Variants in ADCY10 observed in about 807,000 individuals in gnomAD.
The protein encoded by ADCY10 is adenylate cyclase type 10.
In ADCY10, 156 loss-of-function variants were observed where a neutral mutation model predicts 183.3. The ratio of observed to expected loss-of-function variants is 0.85; its 90% CI spans 0.75 to 0.97. ADCY10 has a LOEUF of 0.97. Ranked by LOEUF, ADCY10 falls within the 50% of genes least tolerant of loss-of-function variation. The pLI, the probability that ADCY10 is intolerant of heterozygous loss-of-function variation, is 0.00. For missense variants in ADCY10, 1,745 were observed against 1,934.3 expected (o/e 0.90, Z 1.84); for synonymous variants, 645 against 670.0 (o/e 0.96, Z 0.58).
chr1:167,912,200 A>G (rs1258424478), intron 1 of ADCY10, among the ~76,000 whole-genome samples: 3 of 152,182 alleles, frequency 2.0e-5, no homozygotes, highest in African/African-American at 7.2e-5. Flanking sequence ...TTAAGAAATT[A>G]TTTTAGGCAG....
chr1:167,880,432 C>T, intron 10 of ADCY10, 59 bp downstream of exon 10: 2 of 1,239,758 alleles, frequency 1.6e-6, no homozygotes, highest in South Asian at 2.4e-5. Flanking sequence ...TGCATGCCCT[C>T]CCTACTTATG....
intron 6 of ADCY10, among the ~76,000 whole-genome samples, chr1:167,897,090 C>T (rs1186501714): frequency 1.3e-5 from 2 of 151,542 alleles, no homozygotes; most frequent in East Asian, 3.9e-4. Flanking sequence ...TTAGGAGCAT[C>T]ACCAGTCATA....
At chr1:167,885,587 A>G (rs1240112299) in intron 8 of ADCY10, among the ~76,000 whole-genome samples, 1 of 151,742 alleles carries the variant, frequency 6.6e-6, no homozygotes, top group Non-Finnish European at 1.5e-5. Context: ...CTTGTTTGCC[A>G]TTTGTATGTC....
intron 13 of ADCY10, among the ~76,000 whole-genome samples, chr1:167,870,740 C>T (rs1350694651): frequency 2.7e-5 from 4 of 149,740 alleles, no homozygotes; most frequent in South Asian, 2.1e-4. Context: ...ACCCAGGAGG[C>T]GGAGGTTGCA....
At chr1:167,902,615 A>C (rs1042840264) in intron 3 of ADCY10, among the ~76,000 whole-genome samples, 11 of 152,270 alleles carry the variant, frequency 7.2e-5, no homozygotes, top group African/African-American at 2.7e-4. Flanking sequence ...GCCAAGTCAG[A>C]TGCAGAAAGG....
chr1:167,854,276 A>T lies in ADCY10; in HGVS notation c.2308+77T>A, dbSNP rs114565660. ...CAGGAAGCAGCCTGTGGAATAGCTC[A>T]TTTTTGCTACCTTCTCTGAATGAAG... On this transcript the variant is annotated intron_variant, in intron 18 of 32. Coordinates refer to ENST00000367851, the MANE Select transcript of ADCY10 (RefSeq NM_018417.6). 6,381 of 1,596,532 alleles carry T rather than the reference A, an allele frequency of 4.0e-3. 19 individuals are homozygous for T. Among genetic ancestry groups the T allele is most frequent in the Non-Finnish European group, 5.1e-3 (5,974 of 1,164,490 alleles).
intron 14 of ADCY10, 109 bp downstream of exon 14, chr1:167,870,148 T>A: frequency 8.3e-7 from 1 of 1,210,884 alleles, no homozygotes; most frequent in Non-Finnish European, 1.2e-6. Flanking sequence ...CATCCAATAA[T>A]TGTAGGTTAT....
rs1342833423 is a variant in ADCY10, at chr1:167,914,134, T to G, written c.-217A>C. Reference sequence around the variant, plus strand: ...TGACCCATAAAATGACAGTTTTGTCTAAAAGCCGTTTTCCAGGCCACACCC... The same window carrying G: ...TGACCCATAAAATGACAGTTTTGTCGAAAAGCCGTTTTCCAGGCCACACCC... On this transcript the variant is annotated 5_prime_UTR_variant, in exon 1 of 33. Transcript: ENST00000367851. 6.6e-6 allele frequency: 1 copy of G among 152,232 alleles called. No individual in the cohort carries two copies. The highest frequency in any genetic ancestry group is 2.4e-5 in the African/African-American group (1 of 41,444). 9.4% of individuals were successfully genotyped at this position (152,232 alleles called of 1,614,324 possible).
rs921661939 is a variant in ADCY10 at position 167,904,819 on chromosome 1, A to G, written c.148+174T>C. The G allele has an allele frequency of 5.1e-6, 4 of 787,630 alleles. No individual in the cohort carries two copies. The East Asian group carries it at 1.1e-4, about 21-fold the overall frequency. The allele number at this position is 787,630 out of a possible 1,614,324, so 48.8% of individuals were successfully genotyped here. A position where few individuals can be genotyped will look rare whatever the true frequency, so the allele number is the denominator to read the frequency against. On this transcript the variant is annotated intron_variant, in intron 2 of 32. Transcript: ENST00000367851. ...AGTCCTGAGTAAGGGAGGATGAGAG[A>G]GAGCCAGGGCCACAAGCTATTTCCT...
intron 25 of ADCY10, among the ~76,000 whole-genome samples, chr1:167,830,684 G>T (rs1281451459): frequency 6.6e-6 from 1 of 152,112 alleles, no homozygotes; most frequent in African/African-American, 2.4e-5. Context: ...GTGAGCCACT[G>T]CGCCTGGCCA....
At chr1:167,820,627 C>T (rs2101854174) in intron 30 of ADCY10, 1 of 172,330 alleles carries the variant, frequency 5.8e-6, no homozygotes. Flanking sequence ...AATTTCTCCT[C>T]ATTAATTTTA....
At chr1:167,908,434 G>C (rs1305929296) in intron 1 of ADCY10, among the ~76,000 whole-genome samples, 2 of 152,076 alleles carry the variant, frequency 1.3e-5, no homozygotes, top group Non-Finnish European at 2.9e-5. Flanking sequence ...GTGGCTGAAG[G>C]ATACAAAGTT....
At chr1:167,879,305 G>A (rs1047436003) in intron 11 of ADCY10, among the ~76,000 whole-genome samples, 6 of 152,262 alleles carry the variant, frequency 3.9e-5, no homozygotes, top group East Asian at 3.9e-4. Flanking sequence ...GTTAATACAC[G>A]TTTATCACTT....
chr1:167,842,348 T>G (rs1251410523), intron 21 of ADCY10, among the ~76,000 whole-genome samples: 1 of 152,160 alleles, frequency 6.6e-6, no homozygotes, highest in African/African-American at 2.4e-5. Context: ...AGTCTCAGTT[T>G]GTTGTCCAGG....
rs771721815 is a variant in ADCY10 at position 167,856,185 on chromosome 1, G to A, written c.2151C>T (p.Cys717=). 2 of 1,613,842 alleles carry A rather than the reference G, an allele frequency of 1.2e-6. No homozygotes were observed. The highest frequency in any genetic ancestry group is 1.3e-5 in the African/African-American group (1 of 74,918). Reference sequence around the variant, plus strand: ...CTTACGAGTCCAGTTCTTTGGAGATGCAGCTCACATTGAGGTCAAGACAGA... The same window carrying A: ...CTTACGAGTCCAGTTCTTTGGAGATACAGCTCACATTGAGGTCAAGACAGA... ...NKICLDLNVS[C]ISKELDSYLG... The change falls in exon 17 of 33, where the codon TGC becomes TGT. Residue 717 remains cysteine (C), a synonymous_variant. Coordinates refer to ENST00000367851, the MANE Select transcript of ADCY10 (RefSeq NM_018417.6).
At chr1:167,912,417 A>G (rs922875482) in intron 1 of ADCY10, among the ~76,000 whole-genome samples, 1 of 152,120 alleles carries the variant, frequency 6.6e-6, no homozygotes, top group Non-Finnish European at 1.5e-5. Flanking sequence ...CCACCTCCAC[A>G]TACTCCCACG....
In ADCY10 at chr1:167,883,227, A is replaced by G. The variant is rs145568226; in HGVS notation, c.1020+210T>C. Among the ~76,000 whole-genome samples, 782 of 152,278 alleles carry G rather than the reference A, an allele frequency of 5.1e-3. 12 individuals are homozygous for G. In the East Asian group the frequency reaches 0.075, roughly 15 times the overall value. On this transcript the variant is annotated intron_variant, in intron 9 of 32. Coordinates refer to ENST00000367851, the MANE Select transcript of ADCY10 (RefSeq NM_018417.6). ...TAATTTTTGCATTTTTAGTAGAGAC[A>G]GGGTTTCACTATGTTGGCCAGTCTG...
chr1:167,892,983 G>T (rs1358429409), intron 8 of ADCY10, among the ~76,000 whole-genome samples: 1 of 152,140 alleles, frequency 6.6e-6, no homozygotes, highest in Non-Finnish European at 1.5e-5. Context: ...ATCTACCAAG[G>T]ACTGTAAAGA....
rs919770481 is a variant in ADCY10 at position 167,824,699 on chromosome 1, C to T, written c.3907G>A (p.Val1303Ile). Residue 1303 changes from valine to isoleucine, a missense_variant, in exon 27 of 33, where the codon GTC (valine) becomes ATC (isoleucine). Transcript: ENST00000367851. ...TGTCCCATTATGAGCTTGTTGAAGA[C>T]CAGTGTCTCAGCCACGTATGCCACG... ...EIVAYVAETLVFNKLIMGHLD... is the reference protein window; with the variant it reads ...EIVAYVAETLIFNKLIMGHLD... 4 of 1,614,222 alleles carry T rather than the reference C, an allele frequency of 2.5e-6. No homozygotes were observed. The South Asian group carries it at 4.4e-5, about 18-fold the overall frequency.
Sources: allele counts gnomAD v4.1 joint callset (sites outside exome capture counted in the v4.1 genomes callset), GRCh38; gene constraint gnomAD v4.1.1; transcripts MANE v1.5; gene names NCBI Gene and HGNC (gene_info 2026-07-23, HGNC 2026-07-21).